The following PLCB1 variants were observed in gnomAD, a reference collection of about 807,000 sequenced individuals.
PLCB1 encodes phospholipase C beta 1.
PLCB1 carries 46 observed loss-of-function variants against 161.8 expected under a neutral mutation model. That is an observed-to-expected ratio of 0.28 (90% CI 0.22 to 0.36). The LOEUF is 0.36. PLCB1 is among the 10% of genes least tolerant of loss of function. The probability of loss-of-function intolerance (pLI) is 1.00; values close to 1 mark genes in which losing one functional copy is unlikely to be tolerated. For synonymous variants in PLCB1, 517 were observed against 503.7 expected (o/e 1.03, Z -0.35); for missense variants, 1,016 against 1,472.5 (o/e 0.69, Z 5.07).
At chr20:8,619,157 C>G (rs534006238) in intron 3 of PLCB1, among the ~76,000 whole-genome samples, 2 of 152,202 alleles carry the variant, frequency 1.3e-5, no homozygotes, top group African/African-American at 4.8e-5. Flanking sequence ...GAAAAAGAGG[C>G]CGGGTGCGGT....
At chr20:8,755,033 A>G (rs896687237) in intron 23 of PLCB1, among the ~76,000 whole-genome samples, 5 of 152,210 alleles carry the variant, frequency 3.3e-5, no homozygotes, top group African/African-American at 1.2e-4. Context: ...AGATTCTGCC[A>G]TAGTGAGCTA....
intron 2 of PLCB1, among the ~76,000 whole-genome samples, chr20:8,325,775 G>A (rs1238587983): frequency 6.6e-6 from 1 of 152,092 alleles, no homozygotes; most frequent in East Asian, 1.9e-4. Context: ...CTAGTTAAGC[G>A]GGAATGGGGG....
At chr20:8,535,258 CA>C (rs1985005621) in intron 3 of PLCB1, among the ~76,000 whole-genome samples, 1 of 139,822 alleles carries the variant, frequency 7.2e-6, no homozygotes, top group Non-Finnish European at 1.5e-5. Flanking sequence ...ATGATATCTT[CA>C]GTGTAATATA....
chr20:8,562,602 G>A (rs1986176745), intron 3 of PLCB1, among the ~76,000 whole-genome samples: 1 of 152,056 alleles, frequency 6.6e-6, no homozygotes, highest in Non-Finnish European at 1.5e-5. Flanking sequence ...TAACAGAATG[G>A]TGTGCAGTCT....
At chr20:8,540,142 C>T (rs1002368461) in intron 3 of PLCB1, among the ~76,000 whole-genome samples, 1 of 151,818 alleles carries the variant, frequency 6.6e-6, no homozygotes, top group African/African-American at 2.4e-5. Flanking sequence ...TTATACTATA[C>T]TAAAGAAAAA....
At chr20:8,703,133 C>G (rs6108179) in intron 11 of PLCB1, among the ~76,000 whole-genome samples, 1 of 152,126 alleles carries the variant, frequency 6.6e-6, no homozygotes, top group Non-Finnish European at 1.5e-5. Flanking sequence ...ACTGCAAGAC[C>G]TTGGAGAAGC....
rs536487979 is a variant in PLCB1, at chr20:8,528,633, A to G, written c.247-99661A>G. Among the ~76,000 whole-genome samples, 4 of 152,148 alleles carry G rather than the reference A, an allele frequency of 2.6e-5. No individual in the cohort carries two copies. In the South Asian group the frequency reaches 6.2e-4, roughly 24 times the overall value. On this transcript the variant is annotated intron_variant, in intron 3 of 31. Coordinates refer to ENST00000338037, the MANE Select transcript of PLCB1 (RefSeq NM_015192.4). Reference sequence around the variant, plus strand: ...CTGAGGATCTGCCCAGTAAAAATGTAAAAGTTTCAGTCCTAAAATTGTTGA... The same window carrying G: ...CTGAGGATCTGCCCAGTAAAAATGTGAAAGTTTCAGTCCTAAAATTGTTGA...
At chr20:8,143,016 A>T in intron 1 of PLCB1, among the ~76,000 whole-genome samples, 1 of 152,078 alleles carries the variant, frequency 6.6e-6, no homozygotes, top group African/African-American at 2.4e-5. Context: ...TTATTATCTG[A>T]CACCACTCCC....
At chr20:8,265,886 T>C (rs1981930537) in intron 2 of PLCB1, among the ~76,000 whole-genome samples, 1 of 152,224 alleles carries the variant, frequency 6.6e-6, no homozygotes, top group Non-Finnish European at 1.5e-5. Context: ...CATACAAATG[T>C]CATTGTGGAA....
intron 11 of PLCB1, among the ~76,000 whole-genome samples, chr20:8,698,554 A>G (rs6140696): frequency 0.057 from 8,703 of 152,238 alleles, 458 homozygotes; most frequent in African/African-American, 0.14. Flanking sequence ...GTTGACGTCT[A>G]TCAGTCAAAG....
At chr20:8,663,817 TG>T (rs1484988541) in intron 9 of PLCB1, among the ~76,000 whole-genome samples, 8 of 152,164 alleles carry the variant, frequency 5.3e-5, no homozygotes, top group Admixed American at 2.0e-4. Flanking sequence ...TAAATATTCC[TG>T]GCACAGGAAT....
At chr20:8,416,202 C>CA (rs1362959580) in intron 3 of PLCB1, among the ~76,000 whole-genome samples, 1 of 151,954 alleles carries the variant, frequency 6.6e-6, no homozygotes, top group Non-Finnish European at 1.5e-5. Flanking sequence ...TTTTTAGAAA[C>CA]AAAATAATGA....
intron 3 of PLCB1, among the ~76,000 whole-genome samples, chr20:8,563,479 G>T (rs1284114392): frequency 6.6e-6 from 1 of 151,986 alleles, no homozygotes; most frequent in Non-Finnish European, 1.5e-5. Flanking sequence ...GCTGGCTGAT[G>T]CGGTTCAGAG....
intron 25 of PLCB1, among the ~76,000 whole-genome samples, chr20:8,764,813 G>A (rs1982229335): frequency 6.6e-6 from 1 of 152,140 alleles, no homozygotes; most frequent in Non-Finnish European, 1.5e-5. Flanking sequence ...AGCCCCGTCT[G>A]CTTTCCTGGC....
intron 29 of PLCB1, 87 bp from the exon 30 acceptor site, chr20:8,789,431 C>A: frequency 3.5e-6 from 3 of 859,544 alleles, no homozygotes; most frequent in South Asian, 1.4e-5. Flanking sequence ...GTTGAGAGTT[C>A]TGTAACCTTT....
intron 2 of PLCB1, among the ~76,000 whole-genome samples, chr20:8,222,300 A>G (rs1968228329): frequency 1.3e-5 from 2 of 152,024 alleles, no homozygotes; most frequent in South Asian, 4.1e-4. Flanking sequence ...AGTTCTCTTT[A>G]TTTTATTCTG....
chr20:8,501,899 ATATATATATATATATATG>A (rs1983434546), intron 3 of PLCB1, among the ~76,000 whole-genome samples: 3 of 33,628 alleles, frequency 8.9e-5, no homozygotes, highest in African/African-American at 9.6e-5. Context: ...ATATATATAT[ATATATATATATATATATG>A]ACTTTTTCTT....
intron 31 of PLCB1, among the ~76,000 whole-genome samples, chr20:8,811,285 C>T (rs1600347107): frequency 6.6e-6 from 1 of 152,184 alleles, no homozygotes; most frequent in East Asian, 1.9e-4. Flanking sequence ...TTATCTAACA[C>T]TCATTTGGAG....
At chr20:8,611,768 T>G (rs1313610574) in intron 3 of PLCB1, among the ~76,000 whole-genome samples, 5 of 152,150 alleles carry the variant, frequency 3.3e-5, no homozygotes, top group Admixed American at 1.3e-4. Flanking sequence ...TGGCACTGTT[T>G]CTATATCTGC....
Sources: allele counts gnomAD v4.1 joint callset (sites outside exome capture counted in the v4.1 genomes callset), GRCh38; gene constraint gnomAD v4.1.1; transcripts MANE v1.5; gene names NCBI Gene and HGNC (gene_info 2026-07-23, HGNC 2026-07-21).